MALRD1: variants seen among roughly 807,000 people sequenced by gnomAD.
The protein encoded by MALRD1 is MAM and LDL receptor class A domain containing 1.
A neutral mutation model predicts 242.1 loss-of-function variants in MALRD1; 247 were observed. That is an observed-to-expected ratio of 1.02 (90% CI 0.92 to 1.13). The LOEUF (loss-of-function observed/expected upper bound fraction) is 1.13, where lower values mean the gene tolerates loss of function less well. Ranked by LOEUF, MALRD1 falls within the 50% of genes most tolerant of loss-of-function variation. The pLI is 0.00. For missense variants in MALRD1, 2,989 were observed against 2,533.1 expected (o/e 1.18, Z -3.86); for synonymous variants, 995 against 866.6 (o/e 1.15, Z -2.60).
At chr10:19,437,176 G>A (rs959268307) in intron 28 of MALRD1, among the ~76,000 whole-genome samples, 8 of 152,112 alleles carry the variant, frequency 5.3e-5, no homozygotes, top group Non-Finnish European at 1.2e-4. Context: ...TTAAATCTTT[G>A]TAGTTAACAG....
At chr10:19,577,091 A>C (rs1006082296) in intron 33 of MALRD1, among the ~76,000 whole-genome samples, 2 of 152,078 alleles carry the variant, frequency 1.3e-5, no homozygotes, top group Non-Finnish European at 2.9e-5. Context: ...ATGTAATATA[A>C]CAATTGTAGA....
In MALRD1 at chr10:19,491,496, TG is replaced by T; in HGVS notation, c.5030-20del. 6.5e-7 allele frequency: 1 copy of T among 1,547,246 alleles called. No homozygotes were observed. Among genetic ancestry groups the T allele is most frequent in the Non-Finnish European group, 8.7e-7 (1 of 1,145,750 alleles). The stretch of plus-strand genomic sequence containing the variant: ...GAAAATATTGATGGAATACTGCTTT[TG>T]TTTTTTTGTTTTTCCCTAGTGGGAG... On this transcript the variant is annotated intron_variant, in intron 29 of 39. Coordinates refer to ENST00000454679, the MANE Select transcript of MALRD1 (RefSeq NM_001142308.3).
intron 31 of MALRD1, among the ~76,000 whole-genome samples, chr10:19,499,374 TTGA>T (rs1837864786): frequency 6.6e-6 from 1 of 152,040 alleles, no homozygotes; most frequent in East Asian, 1.9e-4. Flanking sequence ...AACATTTAAA[TTGA>T]TGAACTTTGA....
At chr10:19,380,181 G>C (rs979746971) in intron 26 of MALRD1, among the ~76,000 whole-genome samples, 2 of 151,174 alleles carry the variant, frequency 1.3e-5, no homozygotes, top group African/African-American at 2.4e-5. Flanking sequence ...CACCATGTTG[G>C]CCAGGCTCGT....
At chr10:19,294,701 G>T (rs1841608629) in intron 21 of MALRD1, among the ~76,000 whole-genome samples, 1 of 151,976 alleles carries the variant, frequency 6.6e-6, no homozygotes, top group African/African-American at 2.4e-5. Context: ...GGATTTTGTT[G>T]GATAATATAA....
At chr10:19,143,143 G>C (rs147816196) in intron 10 of MALRD1, among the ~76,000 whole-genome samples, 2 of 152,286 alleles carry the variant, frequency 1.3e-5, no homozygotes, top group East Asian at 3.9e-4. Flanking sequence ...CACAATGATT[G>C]ACATTTTTTA....
intron 19 of MALRD1, among the ~76,000 whole-genome samples, chr10:19,269,002 A>G (rs1477685426): frequency 1.3e-5 from 2 of 152,176 alleles, no homozygotes; most frequent in Admixed American, 1.3e-4. Flanking sequence ...TCTGCTTCTT[A>G]GTGAGTGCAA....
intron 18 of MALRD1, among the ~76,000 whole-genome samples, chr10:19,223,298 C>T (rs1837643296): frequency 6.6e-6 from 1 of 152,060 alleles, no homozygotes; most frequent in Non-Finnish European, 1.5e-5. Flanking sequence ...TTTGGAACTG[C>T]TGGGGAAGCT....
intron 18 of MALRD1, among the ~76,000 whole-genome samples, chr10:19,236,765 T>C (rs555596056): frequency 6.6e-6 from 1 of 152,270 alleles, no homozygotes; most frequent in South Asian, 2.1e-4. Context: ...TTCATTTTTA[T>C]AAGCTTCATC....
intron 36 of MALRD1, among the ~76,000 whole-genome samples, chr10:19,663,880 T>G (rs1187166965): frequency 6.6e-6 from 1 of 152,048 alleles, no homozygotes; most frequent in African/African-American, 2.4e-5. Flanking sequence ...TTGACCAGTG[T>G]TTTTTCGGCT....
In MALRD1 at chr10:19,260,565, G is replaced by A. The variant is rs142943275; in HGVS notation, c.3079+2794G>A. 1.6e-4 allele frequency among the ~76,000 whole-genome samples: 24 copies of A among 152,288 alleles called. 1 individual carries two copies. In the East Asian group the frequency reaches 4.4e-3, roughly 28 times the overall value. ...TTTTCCACCTACAGGGAGCTCAGCA[G>A]GGGTAGGGGAGATAGAAAATCTTTA... On this transcript the variant is annotated intron_variant, in intron 19 of 39. Coordinates refer to ENST00000454679, the MANE Select transcript of MALRD1 (RefSeq NM_001142308.3).
chr10:19,601,407 T>G (rs10740927), intron 34 of MALRD1, among the ~76,000 whole-genome samples: 70,588 of 151,732 alleles, frequency 0.47, 16,900 homozygotes, highest in Non-Finnish European at 0.53. Flanking sequence ...ACAATGTTAT[T>G]TGCTTCATGG....
At chr10:19,319,742 A>G (rs1842841462) in intron 21 of MALRD1, among the ~76,000 whole-genome samples, 1 of 151,876 alleles carries the variant, frequency 6.6e-6, no homozygotes, top group African/African-American at 2.4e-5. Flanking sequence ...CCTTTGTAAG[A>G]GCACTAATCT....
At chr10:19,325,131 A>T (rs1843070451) in intron 22 of MALRD1, among the ~76,000 whole-genome samples, 1 of 149,640 alleles carries the variant, frequency 6.7e-6, no homozygotes, top group Non-Finnish European at 1.5e-5. Context: ...AAAAATTCTC[A>T]TCCCTCTATT....
Position 19,387,539 on chromosome 10 carries a change from C to T in MALRD1, c.4453C>T (p.Leu1485Phe). Reference protein sequence around the residue: ...AVPLPTGFCPLGYRECHNGKC... With the variant: ...AVPLPTGFCPFGYRECHNGKC... The stretch of plus-strand genomic sequence containing the variant: ...TTGTTTTGTTTTAGGTTTCTGCCCA[C>T]TTGGCTATAGGGAATGTCATAATGG... Residue 1485 changes from leucine to phenylalanine, a missense_variant, in exon 27 of 40, where the codon CTT (leucine) becomes TTT (phenylalanine). Transcript: ENST00000454679. 1 of 1,549,990 alleles carries T rather than the reference C, an allele frequency of 6.5e-7. No homozygotes were observed. Among genetic ancestry groups the T allele is most frequent in the East Asian group, 2.4e-5 (1 of 40,904 alleles).
At chr10:19,084,032 A>G (rs571031462) in intron 2 of MALRD1, among the ~76,000 whole-genome samples, 1 of 152,148 alleles carries the variant, frequency 6.6e-6, no homozygotes, top group Admixed American at 6.6e-5. Flanking sequence ...AAAGCGACTC[A>G]CATAGCCCTT....
intron 31 of MALRD1, among the ~76,000 whole-genome samples, chr10:19,523,630 C>T (rs962573186): frequency 1.3e-5 from 2 of 152,094 alleles, no homozygotes; most frequent in Non-Finnish European, 2.9e-5. Flanking sequence ...TATGAGGATG[C>T]AGAGATTCAG....
chr10:19,132,032 A>G (rs1452047276), intron 8 of MALRD1, among the ~76,000 whole-genome samples: 1 of 152,220 alleles, frequency 6.6e-6, no homozygotes, highest in Admixed American at 6.5e-5. Context: ...TCTAGATCTC[A>G]TTCACTGTGT....
chr10:19,465,641 C>T (rs1564365885), intron 29 of MALRD1, among the ~76,000 whole-genome samples: 1 of 152,156 alleles, frequency 6.6e-6, no homozygotes, highest in Non-Finnish European at 1.5e-5. Flanking sequence ...AGCAATCCTC[C>T]CACCTCAGCC....
Sources: allele counts gnomAD v4.1 joint callset (sites outside exome capture counted in the v4.1 genomes callset), GRCh38; gene constraint gnomAD v4.1.1; transcripts MANE v1.5; gene names NCBI Gene and HGNC (gene_info 2026-07-23, HGNC 2026-07-21).